The following NXPE2 variants were observed in gnomAD, a reference collection of about 807,000 sequenced individuals.
The protein encoded by NXPE2 is NXPE family member 2.
NXPE2 carries 34 observed loss-of-function variants against 34.4 expected under a neutral mutation model. The ratio of observed to expected loss-of-function variants is 0.99; its 90% CI spans 0.75 to 1.31. The LOEUF (loss-of-function observed/expected upper bound fraction) is 1.31. NXPE2 is among the 40% of genes most tolerant of loss of function. The pLI is 0.00. For missense variants in NXPE2, 649 were observed against 672.5 expected, an observed-to-expected ratio of 0.97 and a Z score of 0.39; for synonymous variants, 235 against 231.3, an observed-to-expected ratio of 1.02 and a Z score of -0.15.
At chr11:114,662,066 G>A in the NXPE2 span, among the ~76,000 whole-genome samples, 76,106 of 152,014 alleles carry the variant, frequency 0.5, 20,193 homozygotes, top group East Asian at 0.79. Context: ...CGACACAAAA[G>A]AAGCACTTTT....
chr11:114,601,821 A>T, the NXPE2 span, among the ~76,000 whole-genome samples: 17 of 75,296 alleles, frequency 2.3e-4, no homozygotes, highest in African/African-American at 8.0e-4. Flanking sequence ...ATAATTATAT[A>T]TAATATATAA....
downstream of NXPE2, chr11:114,707,628 G>T (rs1405527028): frequency 1.2e-5 from 2 of 170,424 alleles, no homozygotes; most frequent in African/African-American, 4.8e-5. Context: ...CCCTCATCAT[G>T]ATCCATCTCT....
the NXPE2 span, among the ~76,000 whole-genome samples, chr11:114,598,295 T>C: frequency 5.0e-5 from 1 of 20,174 alleles, no homozygotes; most frequent in Non-Finnish European, 1.0e-4. Context: ...TGGCTTTGTG[T>C]TGAGTGCCTT....
chr11:114,524,298 G>A, the NXPE2 span, among the ~76,000 whole-genome samples: 224 of 152,336 alleles, frequency 1.5e-3, no homozygotes, highest in Non-Finnish European at 2.1e-3. Flanking sequence ...TAAAGAAGGA[G>A]AAGGCAGTGA....
the NXPE2 span, among the ~76,000 whole-genome samples, chr11:114,810,679 C>T: frequency 6.6e-6 from 1 of 151,992 alleles, no homozygotes; most frequent in Non-Finnish European, 1.5e-5. Flanking sequence ...ATTAAAAAGT[C>T]AGGAAACAAC....
chr11:114,767,883 G>C, the NXPE2 span, among the ~76,000 whole-genome samples: 1 of 152,076 alleles, frequency 6.6e-6, no homozygotes, highest in African/African-American at 2.4e-5. Flanking sequence ...ACAGACTTGG[G>C]TTTACATCTT....
At chr11:114,671,098 A>T in the NXPE2 span, among the ~76,000 whole-genome samples, 1 of 148,314 alleles carries the variant, frequency 6.7e-6, no homozygotes, top group African/African-American at 2.4e-5. Flanking sequence ...AATATATATA[A>T]ACAAAAATAT....
At chr11:114,700,683 A>G (rs776926320) in intron 3 of NXPE2, among the ~76,000 whole-genome samples, 7 of 152,320 alleles carry the variant, frequency 4.6e-5, no homozygotes, top group Middle Eastern at 3.4e-3. Context: ...AAAAAAAAAT[A>G]AGTAAAATAA....
chr11:114,793,948 C>G, the NXPE2 span, among the ~76,000 whole-genome samples: 1 of 152,226 alleles, frequency 6.6e-6, no homozygotes, highest in Admixed American at 6.5e-5. Context: ...TTTGGCTTTA[C>G]CTTTGCCTGA....
chr11:114,615,587 T>C, the NXPE2 span, among the ~76,000 whole-genome samples: 9 of 148,030 alleles, frequency 6.1e-5, no homozygotes, highest in African/African-American at 2.1e-4. Context: ...ACCTGGTGAA[T>C]AATATTTGCT....
At chr11:114,750,986 G>T in the NXPE2 span, among the ~76,000 whole-genome samples, 1 of 151,850 alleles carries the variant, frequency 6.6e-6, no homozygotes, top group Non-Finnish European at 1.5e-5. Flanking sequence ...TGTTGTGGGG[G>T]TGGGGGGTGT....
At chr11:114,485,846 C>G in the NXPE2 span, among the ~76,000 whole-genome samples, 15 of 152,132 alleles carry the variant, frequency 9.9e-5, no homozygotes, top group African/African-American at 3.1e-4. Context: ...TTTTTTACGG[C>G]TAAATAGTAC....
At chr11:114,554,519 A>T in the NXPE2 span, 21 of 301,024 alleles carry the variant, frequency 7.0e-5, no homozygotes, top group Non-Finnish European at 1.0e-4. Context: ...AGCCAATTAT[A>T]CTGAGGTATA....
the NXPE2 span, among the ~76,000 whole-genome samples, chr11:114,781,405 A>G: frequency 6.6e-6 from 1 of 152,202 alleles, no homozygotes; most frequent in East Asian, 1.9e-4. Flanking sequence ...CATTAAATAT[A>G]CCAATGCCAA....
the NXPE2 span, among the ~76,000 whole-genome samples, chr11:114,758,915 G>T: frequency 1.3e-5 from 2 of 150,038 alleles, no homozygotes; most frequent in Admixed American, 1.3e-4. Context: ...TACTATATGT[G>T]TACATATAAA....
chr11:114,498,117 A>AATATCT, the NXPE2 span, among the ~76,000 whole-genome samples: 1 of 152,044 alleles, frequency 6.6e-6, no homozygotes, highest in Non-Finnish European at 1.5e-5. Flanking sequence ...TATCGATGTC[A>AATATCT]ATATCTATAT....
chr11:114,639,242 A>C, the NXPE2 span, among the ~76,000 whole-genome samples: 1 of 151,990 alleles, frequency 6.6e-6, no homozygotes, highest in Non-Finnish European at 1.5e-5. Context: ...GCAATCAGCG[A>C]GACTCTGTGG....
the NXPE2 span, among the ~76,000 whole-genome samples, chr11:114,556,975 C>G: frequency 6.6e-6 from 1 of 151,734 alleles, no homozygotes; most frequent in African/African-American, 2.4e-5. Context: ...TCACTGCAAC[C>G]TCTGTCTCCT....
chr11:114,622,376 GATA>G, the NXPE2 span, among the ~76,000 whole-genome samples: 1 of 151,894 alleles, frequency 6.6e-6, no homozygotes, highest in East Asian at 1.9e-4. Context: ...TTACCAAGTG[GATA>G]ATAAGTATTT....
Sources: allele counts gnomAD v4.1 joint callset (sites outside exome capture counted in the v4.1 genomes callset), GRCh38; gene constraint gnomAD v4.1.1; transcripts MANE v1.5; gene names NCBI Gene and HGNC (gene_info 2026-07-23, HGNC 2026-07-21).